The following PIK3R5 variants were observed in gnomAD, a reference collection of about 807,000 sequenced individuals.
The protein encoded by PIK3R5 is phosphoinositide 3-kinase regulatory subunit 5.
A neutral mutation model predicts 94.9 loss-of-function variants in PIK3R5; 32 were observed. The ratio of observed to expected loss-of-function variants is 0.34; its 90% CI spans 0.25 to 0.45. The LOEUF (loss-of-function observed/expected upper bound fraction) is 0.45, where lower values mean the gene tolerates loss of function less well. Among genes scored for constraint, PIK3R5 ranks in the 20% least tolerant of loss-of-function variants. The pLI is 1.00. For missense variants in PIK3R5, 853 were observed against 1,144.6 expected (o/e 0.75, Z 3.68); for synonymous variants, 443 against 479.4 (o/e 0.92, Z 0.99).
At chr17:8,964,205 A>C (rs570826777) in intron 1 of PIK3R5, among the ~76,000 whole-genome samples, 3 of 152,274 alleles carry the variant, frequency 2.0e-5, no homozygotes, top group African/African-American at 7.2e-5. Context: ...CAACCTGGGC[A>C]ACATGGCAAA....
At chr17:8,920,923 C>T (rs1376575841) in intron 1 of PIK3R5, among the ~76,000 whole-genome samples, 1 of 150,138 alleles carries the variant, frequency 6.7e-6, no homozygotes, top group Non-Finnish European at 1.5e-5. Flanking sequence ...CTCACTGCAA[C>T]CTCTGCCTCC....
At chr17:8,894,749 G>T (rs2090111817) in intron 5 of PIK3R5, among the ~76,000 whole-genome samples, 2 of 152,128 alleles carry the variant, frequency 1.3e-5, no homozygotes, top group East Asian at 1.9e-4. Context: ...ACCCAGCGGG[G>T]TGGGTCGCCT....
rs891424613 is a variant in PIK3R5, at chr17:8,909,552, G to C, written c.104-378C>G. 3.9e-5 allele frequency among the ~76,000 whole-genome samples: 6 copies of C among 152,212 alleles called. No individual in the cohort carries two copies. On this transcript the variant is annotated intron_variant, in intron 2 of 18. Coordinates refer to ENST00000447110, the MANE Select transcript of PIK3R5 (RefSeq NM_001142633.3). The surrounding 1 kb of genome is among the most constrained non-coding windows in gnomAD (Gnocchi z 4.3). ...TCCGCCCGCCTCGGACTCCCAAAGT[G>C]CTGGGATTATAGGCGTGAGCCACTG...
In PIK3R5 at chr17:8,884,116, T is replaced by A. The variant is rs1232868519; in HGVS notation, c.2205+591A>T. On this transcript the variant is annotated intron_variant, in intron 15 of 18. Coordinates refer to ENST00000447110, the MANE Select transcript of PIK3R5 (RefSeq NM_001142633.3). This position sits in a 1 kb window ranked among gnomAD's most constrained non-coding sequence, Gnocchi z 5.8. ...CTAGGCTTCCCTGCTCAACCCCTCT[T>A]TTCCCCTGCCCAGCACAGAGGCAGC... 1.3e-5 allele frequency among the ~76,000 whole-genome samples: 2 copies of A among 152,166 alleles called. No homozygotes were observed. The highest frequency in any genetic ancestry group is 4.8e-5 in the African/African-American group (2 of 41,438).
chr17:8,887,223 T>C lies in PIK3R5; in HGVS notation c.1780-2A>G. ...CTCCCATGGGGTGGTGCCCAGCTCC[T>C]AGGGCAAAGAACAAGAGTCATCATC... On this transcript the variant is annotated splice_acceptor_variant, in intron 11 of 18. Coordinates refer to ENST00000447110, the MANE Select transcript of PIK3R5 (RefSeq NM_001142633.3). LOFTEE classifies it high-confidence loss of function. The C allele has an allele frequency of 6.2e-7, 1 of 1,613,782 alleles. No homozygotes were observed. The highest frequency in any genetic ancestry group is 8.5e-7 in the Non-Finnish European group (1 of 1,179,926).
chr17:8,901,080 C>T (rs2090272213), intron 5 of PIK3R5, among the ~76,000 whole-genome samples: 1 of 152,162 alleles, frequency 6.6e-6, no homozygotes, highest in South Asian at 2.1e-4. Flanking sequence ...AGTCACCAAC[C>T]AGAAGCTCAG....
At position 8,911,336 on chromosome 17, in the gene PIK3R5, TG is replaced by T; in HGVS notation, c.103+55del. 7.4e-7 allele frequency: 1 copy of T among 1,360,230 alleles called. No homozygotes were observed. Among genetic ancestry groups the T allele is most frequent in the Non-Finnish European group, 1.0e-6 (1 of 964,730 alleles). The allele number at this position is 1,360,230 out of a possible 1,614,324, so 84.3% of individuals were successfully genotyped here. The stretch of plus-strand genomic sequence containing the variant: ...TCCATGCCTGGTCCAGTGCCCACCG[TG>T]GCCCCTGAGGCTTCCTTGAGCCCTC... On this transcript the variant is annotated intron_variant, in intron 2 of 18. Transcript: ENST00000447110. This position sits in a 1 kb window ranked among gnomAD's most constrained non-coding sequence, Gnocchi z 5.3.
intron 1 of PIK3R5, among the ~76,000 whole-genome samples, chr17:8,942,411 T>TGCCTCACCCATTCCTGCC (rs1405154379): frequency 6.6e-6 from 1 of 151,968 alleles, no homozygotes; most frequent in Non-Finnish European, 1.5e-5. Context: ...CCCCCACTGC[T>TGCCTCACCCATTCCTGCC]GCCTCACCCA....
chr17:8,962,035 A>G (rs1331200935), intron 1 of PIK3R5, among the ~76,000 whole-genome samples: 4 of 152,236 alleles, frequency 2.6e-5, no homozygotes, highest in Admixed American at 6.5e-5. Context: ...TGTATGGGGC[A>G]TGCGCTTGAC....
In PIK3R5 at chr17:8,890,615, G is replaced by C. The variant is rs968332612; in HGVS notation, c.657+123C>G. The C allele has an allele frequency of 8.1e-6, 7 of 868,736 alleles. No individual in the cohort carries two copies. The Admixed American group carries it at 1.4e-4, about 17-fold the overall frequency. The allele number at this position is 868,736 out of a possible 1,614,324, so 53.8% of individuals were successfully genotyped here. On this transcript the variant is annotated intron_variant, in intron 7 of 18. Transcript: ENST00000447110. This position sits in a 1 kb window ranked among gnomAD's most constrained non-coding sequence, Gnocchi z 6.1. ...AGGTCAGCCCTCCAGCCACCACCCT[G>C]CCATGTCACCTGGGTGCAGGAGACT...
intron 14 of PIK3R5, among the ~76,000 whole-genome samples, chr17:8,885,674 A>T (rs1237845370): frequency 2.9e-5 from 1 of 34,804 alleles, no homozygotes; most frequent in Non-Finnish European, 4.8e-5. Flanking sequence ...CCGCCTCCCC[A>T]TGGCCCTGCC....
intron 1 of PIK3R5, among the ~76,000 whole-genome samples, chr17:8,953,125 A>G (rs1326556086): frequency 2.0e-5 from 3 of 152,132 alleles, no homozygotes; most frequent in Admixed American, 2.0e-4. Flanking sequence ...TTCTTTATTC[A>G]TTGCACCCAT....
intron 1 of PIK3R5, among the ~76,000 whole-genome samples, chr17:8,920,499 T>C (rs965523573): frequency 6.6e-6 from 1 of 152,228 alleles, no homozygotes; most frequent in Non-Finnish European, 1.5e-5. Flanking sequence ...AGGATAATCA[T>C]GCATCCCTCT....
chr17:8,888,338 T>A lies in PIK3R5; in HGVS notation c.1449A>T (p.Lys483Asn). The A allele has an allele frequency of 6.2e-7, 1 of 1,612,202 alleles. No individual in the cohort carries two copies. The highest frequency in any genetic ancestry group is 8.5e-7 in the Non-Finnish European group (1 of 1,179,574). ...AQRSRSLPQPKLGTQLPSWLL... is the reference protein window; with the variant it reads ...AQRSRSLPQPNLGTQLPSWLL... Reference sequence around the variant, plus strand: ...GCCAGCTGGGCAGCTGGGTACCGAGTTTGGGCTGGGGCAGGGAGCGGGAGC... The same window carrying A: ...GCCAGCTGGGCAGCTGGGTACCGAGATTGGGCTGGGGCAGGGAGCGGGAGC... The change falls in exon 10 of 19, where the codon AAA (lysine) becomes AAT (asparagine). Residue 483 changes from lysine to asparagine, a missense_variant. By Grantham distance (94) the Lys-to-Asn change is moderately conservative. Transcript: ENST00000447110. The surrounding 1 kb of genome is among the most constrained non-coding windows in gnomAD (Gnocchi z 7.8).
At chr17:8,952,994 G>C (rs962386871) in intron 1 of PIK3R5, among the ~76,000 whole-genome samples, 4 of 152,154 alleles carry the variant, frequency 2.6e-5, no homozygotes, top group Non-Finnish European at 5.9e-5. Context: ...GTTGAGCCAT[G>C]GTCCAAGAAG....
intron 12 of PIK3R5, 107 bp downstream of exon 12, chr17:8,886,989 G>C (rs2151362704): frequency 1.5e-6 from 2 of 1,313,642 alleles, no homozygotes; most frequent in South Asian, 1.4e-5. Flanking sequence ...GAGGGCCCAG[G>C]TCCTCCATGG....
chr17:8,890,643 G>C lies in PIK3R5; in HGVS notation c.657+95C>G, dbSNP rs2089999440. 13 of 1,118,442 alleles carry C rather than the reference G, an allele frequency of 1.2e-5. No individual in the cohort carries two copies. Among genetic ancestry groups the C allele is most frequent in the Non-Finnish European group, 3.8e-6 (3 of 792,144 alleles). The allele number at this position is 1,118,442 out of a possible 1,614,324, so 69.3% of individuals were successfully genotyped here. A position where few individuals can be genotyped will look rare whatever the true frequency, so the allele number is the denominator to read the frequency against. On this transcript the variant is annotated intron_variant, in intron 7 of 18. Transcript: ENST00000447110. The surrounding 1 kb of genome is among the most constrained non-coding windows in gnomAD (Gnocchi z 6.1). ...ATGTCACCTGGGTGCAGGAGACTAA[G>C]TGTACCCTGGAGACCGTGGCTGAGA...
chr17:8,920,458 A>G (rs747618246), intron 1 of PIK3R5, among the ~76,000 whole-genome samples: 1 of 152,180 alleles, frequency 6.6e-6, no homozygotes, highest in Non-Finnish European at 1.5e-5. Flanking sequence ...GACGGCAGTA[A>G]ATCTGTAAGT....
Position 8,911,460 on chromosome 17 carries a change from C to T in PIK3R5, c.35G>A (p.Arg12His), listed in dbSNP as rs779999550. The T allele has an allele frequency of 3.8e-6, 6 of 1,599,778 alleles. No homozygotes were observed. The highest frequency in any genetic ancestry group is 5.1e-6 in the Non-Finnish European group (6 of 1,179,806). Residue 12 changes from arginine (R) to histidine (H), a missense_variant, in exon 2 of 19, where the codon CGC becomes CAC. This residue lies in a region of PIK3R5 where 108 missense variants were observed against 170.1 expected (regional missense o/e 0.63). Coordinates refer to ENST00000447110, the MANE Select transcript of PIK3R5 (RefSeq NM_001142633.3). The surrounding 1 kb of genome is among the most constrained non-coding windows in gnomAD (Gnocchi z 5.3). The stretch of plus-strand genomic sequence containing the variant: ...GCAGCGTTCCAGGGCATGCTGGATG[C>T]GGTCCTCCGTGCATGTCGTGGCCCC... ...QPGATTCTEDRIQHALERCLH... is the reference protein window; with the variant it reads ...QPGATTCTEDHIQHALERCLH...
Sources: allele counts gnomAD v4.1 joint callset (sites outside exome capture counted in the v4.1 genomes callset), GRCh38; gene constraint gnomAD v4.1.1; regional missense constraint gnomAD v4.1.1; non-coding constraint Gnocchi (gnomAD v3.1); transcripts MANE v1.5; gene names NCBI Gene and HGNC (gene_info 2026-07-23, HGNC 2026-07-21).